The following TRAPPC6B variants were observed in gnomAD, a reference collection of about 807,000 sequenced individuals.
The protein encoded by TRAPPC6B is trafficking protein particle complex subunit 6B.
TRAPPC6B carries 27 observed loss-of-function variants against 24.7 expected under a neutral mutation model. The observed-to-expected ratio is 1.09, with a 90% CI of 0.81 to 1.51. TRAPPC6B has a LOEUF of 1.51. Among genes scored for constraint, TRAPPC6B ranks in the 40% most tolerant of loss-of-function variants. TRAPPC6B has a pLI of 0.00. For synonymous variants in TRAPPC6B, 80 were observed against 66.6 expected, an observed-to-expected ratio of 1.20 and a Z score of -0.98; for missense variants, 212 against 190.8, an observed-to-expected ratio of 1.11 and a Z score of -0.66.
At position 39,154,272 on chromosome 14, in the gene TRAPPC6B, T is replaced by C; in HGVS notation, c.290A>G (p.Asn97Ser). 6.2e-7 allele frequency: 1 copy of C among 1,613,254 alleles called. No individual in the cohort carries two copies. ...NHQGIYVLQD[N>S]KFRLLTQMSA... The stretch of plus-strand genomic sequence containing the variant: ...CATCTGAGTAAGCAGGCGAAATTTG[T>C]TGTCCTGAAGTACATAGATGCCCTG... Residue 97 changes from asparagine to serine, a missense_variant, in exon 4 of 6, where the codon AAC (asparagine) becomes AGC (serine). Transcript: ENST00000330149.
At chr14:39,163,298 G>A (rs1451205812) in intron 1 of TRAPPC6B, among the ~76,000 whole-genome samples, 6 of 148,948 alleles carry the variant, frequency 4.0e-5, no homozygotes, top group African/African-American at 1.5e-4. Context: ...TTGAACCCAG[G>A]AGGCAGAGAT....
chr14:39,151,600 T>C, intron 5 of TRAPPC6B, 146 bp downstream of exon 5: 1 of 564,318 alleles, frequency 1.8e-6, no homozygotes, highest in Non-Finnish European at 3.1e-6. Context: ...TGTAGTATGC[T>C]ACATATTACT....
intron 4 of TRAPPC6B, 152 bp downstream of exon 4, chr14:39,154,059 G>C (rs1164181922): frequency 1.8e-6 from 1 of 559,638 alleles, no homozygotes; most frequent in Non-Finnish European, 3.2e-6. Context: ...TAGTGTTATT[G>C]TAACATGTCT....
rs1437321398 is a variant in TRAPPC6B at position 39,148,195 on chromosome 14, T to C, written c.*2155A>G. ...TGCAGATTAGCTTCAAACATCCATA[T>C]CACATATCTTCACTGAGAAGCAGAA... On this transcript the variant is annotated 3_prime_UTR_variant, in exon 6 of 6. Coordinates refer to ENST00000330149, the MANE Select transcript of TRAPPC6B (RefSeq NM_001079537.2). The C allele has an allele frequency of 6.5e-6, 1 of 152,998 alleles. No individual in the cohort carries two copies. The highest frequency in any genetic ancestry group is 1.5e-5 in the Non-Finnish European group (1 of 68,638). The allele number at this position is 152,998 out of a possible 1,614,324, so 9.5% of individuals were successfully genotyped here.
intron 4 of TRAPPC6B, among the ~76,000 whole-genome samples, chr14:39,152,564 A>T (rs913520495): frequency 2.1e-4 from 32 of 152,282 alleles, no homozygotes; most frequent in African/African-American, 7.0e-4. Context: ...AATATAAAAT[A>T]TTATCTTATA....
chr14:39,151,679 T>TC lies in TRAPPC6B; in HGVS notation c.445+66_445+67insG, dbSNP rs200707222. 3,384 of 1,194,364 alleles carry TC rather than the reference T, an allele frequency of 2.8e-3. 69 individuals carry two copies. In the African/African-American group the frequency reaches 0.049, roughly 17 times the overall value. The allele number at this position is 1,194,364 out of a possible 1,614,324, so 74.0% of individuals were successfully genotyped here. A position where few individuals can be genotyped will look rare whatever the true frequency, so the allele number is the denominator to read the frequency against. On this transcript the variant is annotated intron_variant, in intron 5 of 5. Coordinates refer to ENST00000330149, the MANE Select transcript of TRAPPC6B (RefSeq NM_001079537.2). Reference sequence around the variant, plus strand: ...CATTTTAAATTTCCTCTCAGTTAAATTAAAAAAAAAAACAGACCTGAAAAC... The same window carrying TC: ...CATTTTAAATTTCCTCTCAGTTAAATCTAAAAAAAAAAACAGACCTGAAAAC...
intron 1 of TRAPPC6B, among the ~76,000 whole-genome samples, chr14:39,166,612 T>C: frequency 6.6e-6 from 1 of 151,906 alleles, no homozygotes; most frequent in East Asian, 2.0e-4. Flanking sequence ...ACTATAAGGT[T>C]AGGCTTATGA....
intron 3 of TRAPPC6B, among the ~76,000 whole-genome samples, chr14:39,155,506 G>A (rs1164293835): frequency 6.6e-6 from 1 of 151,786 alleles, no homozygotes; most frequent in Non-Finnish European, 1.5e-5. Context: ...CTCCTGAAGT[G>A]CTGGGATTAT....
rs948243608 is a variant in TRAPPC6B, at chr14:39,149,629, G to C, written c.*721C>G. The C allele has an allele frequency of 6.6e-6, 1 of 152,124 alleles. No homozygotes were observed. Among genetic ancestry groups the C allele is most frequent in the Non-Finnish European group, 1.5e-5 (1 of 68,010 alleles). 9.4% of individuals were successfully genotyped at this position (152,124 alleles called of 1,614,324 possible). On this transcript the variant is annotated 3_prime_UTR_variant, in exon 6 of 6. Transcript: ENST00000330149. ...ATCCTTTACCAGGACTTCCATGCAC[G>C]GGGAGAGAAGTTGAAAGTCAAAACT... is the stretch of plus-strand genomic sequence containing the variant.
At chr14:39,153,776 C>T (rs2052943630) in intron 4 of TRAPPC6B, among the ~76,000 whole-genome samples, 1 of 150,338 alleles carries the variant, frequency 6.7e-6, no homozygotes, top group Admixed American at 6.7e-5. Flanking sequence ...ACGATCTCAG[C>T]TCACTGCAAC....
chr14:39,157,798 G>C, intron 3 of TRAPPC6B: 1 of 225,174 alleles, frequency 4.4e-6, no homozygotes, highest in Non-Finnish European at 9.0e-6. Flanking sequence ...CAAGTCTGTG[G>C]CTTGAATTGT....
Position 39,150,273 on chromosome 14 carries a change from AATC to A in TRAPPC6B, c.*74_*76del, listed in dbSNP as rs1254777785. Reference sequence around the variant, plus strand: ...GTACAAACATCGAACAATGTAATTAAATCATCACTACTTGAAATACTTTTACAT... The same window carrying A: ...GTACAAACATCGAACAATGTAATTAAATCACTACTTGAAATACTTTTACAT... On this transcript the variant is annotated 3_prime_UTR_variant, in exon 6 of 6. Coordinates refer to ENST00000330149, the MANE Select transcript of TRAPPC6B (RefSeq NM_001079537.2). The A allele has an allele frequency of 4.9e-6, 6 of 1,220,076 alleles. No homozygotes were observed. Among genetic ancestry groups the A allele is most frequent in the Admixed American group, 4.4e-5 (2 of 45,510 alleles). 75.6% of individuals were successfully genotyped at this position (1,220,076 alleles called of 1,614,324 possible).
intron 5 of TRAPPC6B, among the ~76,000 whole-genome samples, chr14:39,150,590 G>A (rs1308081614): frequency 1.3e-5 from 2 of 151,992 alleles, no homozygotes; most frequent in East Asian, 3.9e-4. Flanking sequence ...CCAGGCTGGA[G>A]TGCAGTGGCA....
intron 1 of TRAPPC6B, among the ~76,000 whole-genome samples, chr14:39,161,455 T>A (rs1275241888): frequency 6.6e-6 from 1 of 152,230 alleles, no homozygotes; most frequent in Non-Finnish European, 1.5e-5. Context: ...CACTGAGGTC[T>A]ATGAACAGTC....
intron 5 of TRAPPC6B, among the ~76,000 whole-genome samples, chr14:39,150,599 C>T (rs140763823): frequency 0.015 from 2,234 of 152,126 alleles, 54 homozygotes; most frequent in African/African-American, 0.051. Flanking sequence ...AGTGCAGTGG[C>T]ACGATCTCTG....
chr14:39,164,598 C>T (rs910257264), intron 1 of TRAPPC6B, among the ~76,000 whole-genome samples: 1 of 152,136 alleles, frequency 6.6e-6, no homozygotes, highest in South Asian at 2.1e-4. Context: ...AATCCCAGTA[C>T]ATTGGGAGGC....
intron 4 of TRAPPC6B, among the ~76,000 whole-genome samples, chr14:39,153,521 T>C (rs1432046568): frequency 6.6e-6 from 1 of 151,612 alleles, no homozygotes; most frequent in Non-Finnish European, 1.5e-5. Context: ...TCCTACCTCC[T>C]TGGGTGACTG....
chr14:39,167,089 T>G (rs1488736369), intron 1 of TRAPPC6B, among the ~76,000 whole-genome samples: 1 of 152,232 alleles, frequency 6.6e-6, no homozygotes, highest in Non-Finnish European at 1.5e-5. Flanking sequence ...TATGATCACA[T>G]GAGCTTTTGA....
intron 4 of TRAPPC6B, among the ~76,000 whole-genome samples, chr14:39,152,239 C>T (rs985665379): frequency 6.6e-6 from 1 of 152,192 alleles, no homozygotes; most frequent in Non-Finnish European, 1.5e-5. Flanking sequence ...CTTAACCTCC[C>T]CTGGTTATTG....
Sources: allele counts gnomAD v4.1 joint callset (sites outside exome capture counted in the v4.1 genomes callset), GRCh38; gene constraint gnomAD v4.1.1; transcripts MANE v1.5; gene names NCBI Gene and HGNC (gene_info 2026-07-23, HGNC 2026-07-21).